RFX6: variants seen among roughly 807,000 people sequenced by gnomAD.
RFX6 encodes DNA-binding protein RFX6.
A neutral mutation model predicts 110.8 loss-of-function variants in RFX6; 50 were observed. That is an observed-to-expected ratio of 0.45 (90% confidence interval 0.36 to 0.57). The LOEUF is 0.57. Among genes scored for constraint, RFX6 ranks in the 20% least tolerant of loss-of-function variants. The probability of loss-of-function intolerance (pLI) is 0.00; values close to 1 mark genes in which losing one functional copy is unlikely to be tolerated. For synonymous variants in RFX6, 383 were observed against 411.2 expected, an observed-to-expected ratio of 0.93 and a Z score of 0.83; for missense variants, 990 against 1,127.0, an observed-to-expected ratio of 0.88 and a Z score of 1.74.
intron 6 of RFX6, among the ~76,000 whole-genome samples, chr6:116,899,438 T>C (rs1055866405): frequency 6.6e-6 from 1 of 152,136 alleles, no homozygotes; most frequent in Admixed American, 6.6e-5. Flanking sequence ...TATCAAAATA[T>C]TATGACATGA....
chr6:116,887,548 T>A (rs1041449368), intron 4 of RFX6, among the ~76,000 whole-genome samples: 4 of 152,270 alleles, frequency 2.6e-5, no homozygotes, highest in African/African-American at 9.6e-5. Context: ...TTATCTGTGA[T>A]ATTTTTTAAT....
intron 6 of RFX6, among the ~76,000 whole-genome samples, chr6:116,907,071 T>A (rs1167800809): frequency 1.3e-5 from 2 of 152,084 alleles, no homozygotes; most frequent in African/African-American, 4.8e-5. Flanking sequence ...AGTATTGTTA[T>A]CATGAAAGGA....
chr6:116,890,568 T>C (rs1296048476), intron 4 of RFX6, among the ~76,000 whole-genome samples: 5 of 152,134 alleles, frequency 3.3e-5, no homozygotes, highest in African/African-American at 9.7e-5. Flanking sequence ...TCTCCTGGCA[T>C]GTATATAAGA....
At chr6:116,929,898 G>A (rs1248145182) in intron 18 of RFX6, among the ~76,000 whole-genome samples, 1 of 152,172 alleles carries the variant, frequency 6.6e-6, no homozygotes, top group Non-Finnish European at 1.5e-5. Context: ...TCAATAGGAA[G>A]TACTCCTTCT....
rs1775336085 is a variant in RFX6 at position 116,910,963 on chromosome 6, G to A, written c.701G>A (p.Ser234Asn). The part of the protein sequence containing the change: ...EGGFTRKYSL[S>N]SKTGTLLPEF... The stretch of plus-strand genomic sequence containing the variant: ...GGCTTCACTCGTAAATATTCGCTTA[G>A]CTCAAAAACTGGAACACTTCTTCCA... The change falls in exon 7 of 19, where the codon AGC becomes AAC. Residue 234 changes from serine to asparagine, a missense_variant. This residue lies in a region of RFX6 where 243 missense variants were observed against 353.1 expected (regional missense o/e 0.69). Transcript: ENST00000332958. 2 of 1,613,502 alleles carry A rather than the reference G, an allele frequency of 1.2e-6. No individual in the cohort carries two copies. Among genetic ancestry groups the A allele is most frequent in the South Asian group, 1.1e-5 (1 of 91,080 alleles).
chr6:116,891,047 A>G (rs1217410925), intron 4 of RFX6, among the ~76,000 whole-genome samples: 6 of 152,214 alleles, frequency 3.9e-5, no homozygotes, highest in Admixed American at 6.5e-5. Context: ...TAAAATGTGA[A>G]TATCAAATGG....
chr6:116,905,631 C>A (rs1331998727), intron 6 of RFX6, among the ~76,000 whole-genome samples: 1 of 151,280 alleles, frequency 6.6e-6, no homozygotes, highest in Non-Finnish European at 1.5e-5. Context: ...CGGCTCACTG[C>A]AACCTCTGCC....
intron 17 of RFX6, among the ~76,000 whole-genome samples, chr6:116,928,277 G>C (rs1016995614): frequency 6.6e-6 from 1 of 152,126 alleles, no homozygotes; most frequent in African/African-American, 2.4e-5. Context: ...CTGTGACCTT[G>C]AGTCACCAAA....
Position 116,880,104 on chromosome 6 carries a change from G to C in RFX6, c.381-440G>C, listed in dbSNP as rs569734400. Among the ~76,000 whole-genome samples, 31 of 152,152 alleles carry C rather than the reference G, an allele frequency of 2.0e-4. 1 individual carries two copies. The South Asian group carries it at 6.4e-3, about 32-fold the overall frequency. Reference sequence around the variant, plus strand: ...TGTCCTTCCCTAATTATTCAGGGCTGAGAAATAGGTTTTGAATGAAAGTGA... The same window carrying C: ...TGTCCTTCCCTAATTATTCAGGGCTCAGAAATAGGTTTTGAATGAAAGTGA... On this transcript the variant is annotated intron_variant, in intron 2 of 18. Transcript: ENST00000332958.
chr6:116,889,856 A>T (rs1774782267), intron 4 of RFX6, among the ~76,000 whole-genome samples: 1 of 152,046 alleles, frequency 6.6e-6, no homozygotes, highest in Non-Finnish European at 1.5e-5. Context: ...ACACATTGTT[A>T]TTTTTAATTT....
chr6:116,923,146 C>A lies in RFX6; in HGVS notation c.1477C>A (p.Gln493Lys). 6.2e-7 allele frequency: 1 copy of A among 1,609,030 alleles called. No individual in the cohort carries two copies. The highest frequency in any genetic ancestry group is 1.1e-5 in the South Asian group (1 of 90,964). ...QNGRSLKKRAQDFLLKWSFFG... is the reference protein window; with the variant it reads ...QNGRSLKKRAKDFLLKWSFFG... The stretch of plus-strand genomic sequence containing the variant: ...TGGAAGGTCATTAAAGAAGAGAGCT[C>A]AAGACTTTCTGTTAAAGTGGAGTTT... The change falls in exon 14 of 19, where the codon CAA (glutamine) becomes AAA (lysine). Residue 493 changes from glutamine to lysine, a missense_variant. Gln to Lys is a moderately conservative substitution (Grantham distance 53). Coordinates refer to ENST00000332958, the MANE Select transcript of RFX6 (RefSeq NM_173560.4).
At chr6:116,922,978 T>G (rs754537915) in intron 13 of RFX6, 129 bp from the exon 14 acceptor site, 11 of 738,478 alleles carry the variant, frequency 1.5e-5, no homozygotes, top group Non-Finnish European at 1.7e-5. Context: ...GATAGTTTTA[T>G]TTGATGAAAT....
chr6:116,903,386 T>A (rs551688420), intron 6 of RFX6, among the ~76,000 whole-genome samples: 4 of 152,060 alleles, frequency 2.6e-5, no homozygotes, highest in Non-Finnish European at 5.9e-5. Context: ...TTTCTTAATA[T>A]GTGTTTCTTT....
intron 2 of RFX6, among the ~76,000 whole-genome samples, chr6:116,878,660 G>T (rs638473): frequency 0.016 from 2,446 of 151,826 alleles, 26 homozygotes; most frequent in Non-Finnish European, 0.026. Context: ...ACTTTCCTAC[G>T]TAGTGGGAAG....
At chr6:116,895,330 A>T in intron 6 of RFX6, 123 bp downstream of exon 6, 1 of 610,804 alleles carries the variant, frequency 1.6e-6, no homozygotes, top group Non-Finnish European at 2.9e-6. Context: ...GAATTCCTTG[A>T]CGAAGGACTT....
chr6:116,912,975 C>A (rs1172723889), intron 7 of RFX6, among the ~76,000 whole-genome samples: 4 of 152,168 alleles, frequency 2.6e-5, no homozygotes, highest in Admixed American at 6.5e-5. Context: ...AGCTCTGTCA[C>A]CTTCCTTGCC....
At chr6:116,908,062 C>T (rs1775246073) in intron 6 of RFX6, among the ~76,000 whole-genome samples, 1 of 152,046 alleles carries the variant, frequency 6.6e-6, no homozygotes, top group African/African-American at 2.4e-5. Context: ...TGTCTAACTT[C>T]ATTCTGCCAA....
At chr6:116,923,728 C>T (rs960069747) in intron 14 of RFX6, among the ~76,000 whole-genome samples, 2 of 152,194 alleles carry the variant, frequency 1.3e-5, no homozygotes, top group African/African-American at 4.8e-5. Flanking sequence ...GCTTAGAAGA[C>T]ACACTGTCAT....
chr6:116,883,144 C>G (rs1303001714), intron 4 of RFX6, among the ~76,000 whole-genome samples: 1 of 152,100 alleles, frequency 6.6e-6, no homozygotes, highest in Non-Finnish European at 1.5e-5. Context: ...AGTATTTCCC[C>G]CTTTGAGCTG....
Sources: gnomAD v4.1 joint callset for allele counts (sites outside exome capture counted in the v4.1 genomes callset) on GRCh38, gnomAD v4.1.1 for gene constraint, gnomAD v4.1.1 regional missense constraint, MANE v1.5 for transcripts, NCBI Gene and HGNC (gene_info 2026-07-23, HGNC 2026-07-21) for gene names.